Variants in MED30 observed in about 807,000 individuals in gnomAD.
MED30 encodes mediator of RNA polymerase II transcription subunit 30.
In MED30, 8 loss-of-function variants were observed where a neutral mutation model predicts 21.7. That is an observed-to-expected ratio of 0.37 (90% CI 0.22 to 0.67). MED30 has a LOEUF of 0.67. Ranked by LOEUF, MED30 falls within the 30% of genes least tolerant of loss-of-function variation. The pLI is 0.58. For missense variants in MED30, 203 were observed against 228.2 expected (o/e 0.89, Z 0.71); for synonymous variants, 79 against 86.7 (o/e 0.91, Z 0.49).
At chr8:117,538,702 A>G (rs1413215891) in intron 3 of MED30, among the ~76,000 whole-genome samples, 1 of 152,180 alleles carries the variant, frequency 6.6e-6, no homozygotes, top group East Asian at 1.9e-4. Context: ...ATCTTGTTTT[A>G]TCTAAGCAGA....
intron 1 of MED30, 60 bp from the exon 2 acceptor site, chr8:117,528,591 A>G: frequency 6.9e-7 from 1 of 1,457,826 alleles, no homozygotes. Context: ...CTTTACTTAT[A>G]GAAAATCTTG....
chr8:117,522,387 A>C (rs1243242750), intron 1 of MED30, among the ~76,000 whole-genome samples: 1 of 152,146 alleles, frequency 6.6e-6, no homozygotes, highest in African/African-American at 2.4e-5. Context: ...ATACGGATCC[A>C]AGTTCATTGT....
Position 117,539,912 on chromosome 8 carries a change from A to G in MED30, c.471A>G (p.Lys157=), listed in dbSNP as rs778947137. 19 of 1,608,664 alleles carry G rather than the reference A, an allele frequency of 1.2e-5. No individual in the cohort carries two copies. Among genetic ancestry groups the G allele is most frequent in the Non-Finnish European group, 1.4e-5 (17 of 1,177,566 alleles). The change falls in exon 4 of 4, where the codon AAA becomes AAG. Residue 157 remains lysine, a synonymous_variant. Coordinates refer to ENST00000297347, the MANE Select transcript of MED30 (RefSeq NM_080651.4). ...TCAAACAGAAGAATCAACAGCTGAA[A>G]CAAATTATGGATCAATTACGAAATC... ...KKLKQKNQQL[K]QIMDQLRNLI...
At chr8:117,523,682 A>C in intron 1 of MED30, 1 of 1,584,956 alleles carries the variant, frequency 6.3e-7, no homozygotes, top group Non-Finnish European at 8.6e-7. Context: ...GGCATGTGGA[A>C]TCCTCCTTGG....
intron 3 of MED30, among the ~76,000 whole-genome samples, chr8:117,538,781 C>A (rs1271290951): frequency 2.0e-5 from 3 of 152,084 alleles, no homozygotes; most frequent in African/African-American, 7.2e-5. Context: ...CAAGTAGAAT[C>A]CAAGTGTAGA....
intron 3 of MED30, among the ~76,000 whole-genome samples, chr8:117,537,025 G>C (rs1391124471): frequency 6.6e-6 from 1 of 152,212 alleles, no homozygotes; most frequent in African/African-American, 2.4e-5. Context: ...GGCCACAGTT[G>C]GACAAGCTTG....
chr8:117,521,924 A>G (rs1818629140), intron 1 of MED30, among the ~76,000 whole-genome samples: 1 of 152,214 alleles, frequency 6.6e-6, no homozygotes, highest in Non-Finnish European at 1.5e-5. Context: ...TCTCTTGGAC[A>G]GATTCAGGAG....
chr8:117,524,708 A>G (rs1375150591), intron 1 of MED30, among the ~76,000 whole-genome samples: 4 of 152,184 alleles, frequency 2.6e-5, no homozygotes, highest in Non-Finnish European at 4.4e-5. Context: ...CTATGTACCT[A>G]ACTCCTCTCC....
chr8:117,520,733 G>A lies in MED30; in HGVS notation c.-144G>A. On this transcript the variant is annotated 5_prime_UTR_variant, in exon 1 of 4. Coordinates refer to ENST00000297347, the MANE Select transcript of MED30 (RefSeq NM_080651.4). ...CTGACGTGTTACGTCACAGTGGGCGGAAGTCGCGGCCGCTGTTTTGAAATC... is the reference window on the plus strand; with the variant it reads ...CTGACGTGTTACGTCACAGTGGGCGAAAGTCGCGGCCGCTGTTTTGAAATC... 2 of 765,794 alleles carry A rather than the reference G, an allele frequency of 2.6e-6. No individual in the cohort carries two copies. Among genetic ancestry groups the A allele is most frequent in the Non-Finnish European group, 4.0e-6 (2 of 496,538 alleles). 47.4% of individuals were successfully genotyped at this position (765,794 alleles called of 1,614,324 possible). A position where few individuals can be genotyped will look rare whatever the true frequency, so the allele number is the denominator to read the frequency against.
chr8:117,528,884 C>T, intron 2 of MED30, 75 bp downstream of exon 2: 1 of 1,197,734 alleles, frequency 8.3e-7, no homozygotes, highest in Non-Finnish European at 1.1e-6. Context: ...TCTTTTTCCT[C>T]TCTCTCCTGT....
intron 3 of MED30, 25 bp from the exon 4 acceptor site, chr8:117,539,858 T>C: frequency 1.4e-6 from 2 of 1,395,304 alleles, no homozygotes; most frequent in Non-Finnish European, 1.0e-6. Context: ...TGAAACATTT[T>C]TGATAAATTC....
rs192712045 is a variant in MED30, at chr8:117,520,829, C to G, written c.-48C>G. ...CAGCCTCCCAATTCCGGGCAGACCC[C>G]TGACACCTGCTGTCTGGCCCCTTCC... On this transcript the variant is annotated 5_prime_UTR_variant, in exon 1 of 4. Coordinates refer to ENST00000297347, the MANE Select transcript of MED30 (RefSeq NM_080651.4). 2.0e-5 allele frequency: 30 copies of G among 1,509,214 alleles called. No homozygotes were observed. Among genetic ancestry groups the G allele is most frequent in the Non-Finnish European group, 2.7e-5 (30 of 1,125,758 alleles). 93.5% of individuals were successfully genotyped at this position (1,509,214 alleles called of 1,614,324 possible).
At chr8:117,523,828 G>A (rs1254769342) in intron 1 of MED30, 4 of 546,514 alleles carry the variant, frequency 7.3e-6, no homozygotes, top group Non-Finnish European at 1.3e-5. Context: ...CCAACATGGT[G>A]AAACCCCATC....
At position 117,526,813 on chromosome 8, in the gene MED30, C is replaced by G. The variant is rs571928612; in HGVS notation, c.178-1838C>G. On this transcript the variant is annotated intron_variant, in intron 1 of 3. Transcript: ENST00000297347. ...TAAGTTTGGATCTTAGATTTAACATCTAATATCTTTCTAAGTCAGCAAATT... is the reference window on the plus strand; with the variant it reads ...TAAGTTTGGATCTTAGATTTAACATGTAATATCTTTCTAAGTCAGCAAATT... Among the ~76,000 whole-genome samples the G allele has an allele frequency of 1.6e-4, 24 of 152,086 alleles. 1 individual carries two copies. Among genetic ancestry groups the G allele is most frequent in the Middle Eastern group, 3.4e-3 (1 of 294 alleles).
chr8:117,533,555 G>A (rs143487503), intron 3 of MED30, among the ~76,000 whole-genome samples: 8 of 152,136 alleles, frequency 5.3e-5, no homozygotes, highest in South Asian at 2.1e-4. Context: ...TTGCTAAGCC[G>A]CATAGTATAC....
chr8:117,531,251 G>C (rs2130814948), intron 3 of MED30, among the ~76,000 whole-genome samples: 1 of 152,116 alleles, frequency 6.6e-6, no homozygotes, highest in South Asian at 2.1e-4. Context: ...CAAAAAGCTT[G>C]TAACTGGAAT....
In MED30 at chr8:117,528,676, C is replaced by T. The variant is rs1332337089; in HGVS notation, c.203C>T (p.Thr68Ile). The T allele has an allele frequency of 6.2e-7, 1 of 1,603,246 alleles. No homozygotes were observed. The highest frequency in any genetic ancestry group is 8.5e-7 in the Non-Finnish European group (1 of 1,175,580). The change falls in exon 2 of 4, where the codon ACT becomes ATT. Residue 68 changes from threonine (T) to isoleucine (I), a missense_variant. By Grantham distance (89) the Thr-to-Ile change is moderately conservative (BLOSUM62 -1). Transcript: ENST00000297347. ...MQLPNGVTYH[T>I]GTYQDRLTKL... ...CTGCCAAATGGTGTCACTTACCACA[C>T]TGGAACATATCAAGACCGGTTAACA...
intron 1 of MED30, chr8:117,524,001 T>A (rs946711407): frequency 5.0e-6 from 1 of 201,466 alleles, no homozygotes; most frequent in African/African-American, 2.3e-5. Flanking sequence ...AGAGCGAGAC[T>A]CTGTCTCAAG....
In MED30 at chr8:117,520,885, C is replaced by G; in HGVS notation, c.9C>G (p.Thr3=). 5.0e-6 allele frequency: 8 copies of G among 1,598,570 alleles called. No individual in the cohort carries two copies. Among genetic ancestry groups the G allele is most frequent in the Non-Finnish European group, 6.8e-6 (8 of 1,172,982 alleles). Residue 3 remains threonine, a synonymous_variant, in exon 1 of 4, where the codon ACC becomes ACG. Coordinates refer to ENST00000297347, the MANE Select transcript of MED30 (RefSeq NM_080651.4). ...GAAGCTGCAGCCGCGCCATGTCCAC[C>G]CCTCCGTTGGCCGCGTCGGGGATGG... MS[T]PPLAASGMAP...
Sources: gnomAD v4.1 joint callset for allele counts (sites outside exome capture counted in the v4.1 genomes callset) on GRCh38, gnomAD v4.1.1 for gene constraint, MANE v1.5 for transcripts, NCBI Gene and HGNC (gene_info 2026-07-23, HGNC 2026-07-21) for gene names.